The following PYGL variants were observed in gnomAD, a reference collection of about 807,000 sequenced individuals.
PYGL encodes the protein glycogen phosphorylase L, also known as glycogen phosphorylase, liver form.
PYGL carries 90 observed loss-of-function variants against 100.1 expected under a neutral mutation model. The ratio of observed to expected loss-of-function variants is 0.90; its 90% CI spans 0.76 to 1.07. The LOEUF is 1.07. PYGL is among the 50% of genes least tolerant of loss of function. The probability of loss-of-function intolerance (pLI) is 0.00; values close to 1 mark genes in which losing one functional copy is unlikely to be tolerated. For missense variants in PYGL, 1,016 were observed against 1,057.6 expected, an observed-to-expected ratio of 0.96 and a Z score of 0.55; for synonymous variants, 373 against 393.0, an observed-to-expected ratio of 0.95 and a Z score of 0.60.
In PYGL at chr14:50,915,825, A is replaced by T. The variant is rs765994166; in HGVS notation, c.1239T>A (p.Asp413Glu). ...IIYEINQKHL[D>E]RIVALFPKDV... The stretch of plus-strand genomic sequence containing the variant: ...GAGAAAATCTCTCAAAATGACTTAC[A>T]TCTAAATGCTTCTGATTTATCTCAT... The change falls in exon 10 of 20, where the codon GAT (aspartate) becomes GAA (glutamate). Residue 413 changes from aspartate to glutamate, a missense_variant and splice_region_variant. Asp to Glu is a conservative substitution (Grantham distance 45, BLOSUM62 2). Transcript: ENST00000216392. 1 of 1,613,816 alleles carries T rather than the reference A, an allele frequency of 6.2e-7. No homozygotes were observed. The highest frequency in any genetic ancestry group is 8.5e-7 in the Non-Finnish European group (1 of 1,179,828).
chr14:50,907,500 T>C (rs1378044099), intron 19 of PYGL, among the ~76,000 whole-genome samples: 1 of 152,134 alleles, frequency 6.6e-6, no homozygotes, highest in Non-Finnish European at 1.5e-5. Context: ...GAAGCTACCT[T>C]GGTGATTCTG....
At chr14:50,919,113 C>T (rs2050478503) in intron 7 of PYGL, among the ~76,000 whole-genome samples, 1 of 152,172 alleles carries the variant, frequency 6.6e-6, no homozygotes, top group Non-Finnish European at 1.5e-5. Flanking sequence ...ATTTTTTACC[C>T]CATGCTAACT....
rs530947800 is a variant in PYGL, at chr14:50,921,262, G to A, written c.661-195C>T. 422 of 586,166 alleles carry A rather than the reference G, an allele frequency of 7.2e-4. 3 individuals carry two copies. In the African/African-American group the frequency reaches 7.2e-3, roughly 10 times the overall value. 36.3% of individuals were successfully genotyped at this position (586,166 alleles called of 1,614,324 possible). On this transcript the variant is annotated intron_variant, in intron 5 of 19. Transcript: ENST00000216392. ...GGAACATGTGGTTCCTCCCCGACCTGGTACAATCTAGTGACTGAAACCATC... is the reference window on the plus strand; with the variant it reads ...GGAACATGTGGTTCCTCCCCGACCTAGTACAATCTAGTGACTGAAACCATC...
At chr14:50,911,634 G>C (rs2050398497) in intron 16 of PYGL, 96 bp downstream of exon 16, 2 of 1,491,212 alleles carry the variant, frequency 1.3e-6, no homozygotes, top group African/African-American at 1.4e-5. Flanking sequence ...TCTATCCTAA[G>C]TTACTAGCTC....
At chr14:50,924,960 T>C (rs1280671372) in intron 4 of PYGL, among the ~76,000 whole-genome samples, 1 of 152,208 alleles carries the variant, frequency 6.6e-6, no homozygotes, top group Non-Finnish European at 1.5e-5. Context: ...TTTTAAATTA[T>C]TGAAACCTTT....
In PYGL at chr14:50,914,662, C is replaced by T. The variant is rs375853987; in HGVS notation, c.1518+39G>A. On this transcript the variant is annotated intron_variant, in intron 12 of 19. Transcript: ENST00000216392. ...AGTATAGTCATATGCCTCTTGCATT[C>T]GAGTCAGGCCTCCTTTCCTCTCAGC... is the stretch of plus-strand genomic sequence containing the variant. 1.7e-4 allele frequency: 259 copies of T among 1,513,410 alleles called. No homozygotes were observed. The African/African-American group carries it at 3.2e-3, about 18-fold the overall frequency. 93.7% of individuals were successfully genotyped at this position (1,513,410 alleles called of 1,614,324 possible).
intron 3 of PYGL, among the ~76,000 whole-genome samples, chr14:50,934,120 C>A (rs1185141238): frequency 1.1e-4 from 17 of 152,108 alleles, no homozygotes; most frequent in Non-Finnish European, 1.5e-5. Flanking sequence ...ACTAATGGAG[C>A]TGGTATTGTA....
chr14:50,917,357 T>A (rs1231198207), intron 7 of PYGL, among the ~76,000 whole-genome samples: 3 of 152,154 alleles, frequency 2.0e-5, no homozygotes, highest in Non-Finnish European at 1.5e-5. Context: ...AACAACCTTT[T>A]AGAGGCTGAA....
In PYGL at chr14:50,908,810, T is replaced by C. The variant is rs1341269341; in HGVS notation, c.2312+11A>G. On this transcript the variant is annotated intron_variant, in intron 18 of 19. Transcript: ENST00000216392. ...TGATCCAAATAGCACCATCTTCTTA[T>C]GGGAACTCACCTGTCATGATAAAAT... 15 of 1,553,526 alleles carry C rather than the reference T, an allele frequency of 9.7e-6. No homozygotes were observed. Among genetic ancestry groups the C allele is most frequent in the African/African-American group, 1.4e-5 (1 of 73,462 alleles).
chr14:50,944,064 G>T, intron 1 of PYGL, 97 bp downstream of exon 1: 1 of 1,435,804 alleles, frequency 7.0e-7, no homozygotes, highest in South Asian at 1.2e-5. Flanking sequence ...GGGTGCAAGG[G>T]ACCACTCTGA....
At position 50,908,254 on chromosome 14, in the gene PYGL, C is replaced by G; in HGVS notation, c.2379+17G>C. ...TAGTAAACTGGTTTTCTTTATAAAT[C>G]TTGGCAATTTACTCACCATGTACAG... On this transcript the variant is annotated intron_variant, in intron 19 of 19. Transcript: ENST00000216392. 6.4e-7 allele frequency: 1 copy of G among 1,556,996 alleles called. No homozygotes were observed. Among genetic ancestry groups the G allele is most frequent in the Non-Finnish European group, 8.9e-7 (1 of 1,128,552 alleles).
chr14:50,907,933 C>T (rs2050349789), intron 19 of PYGL, among the ~76,000 whole-genome samples: 1 of 149,976 alleles, frequency 6.7e-6, no homozygotes, highest in South Asian at 2.1e-4. Context: ...ATAATCCCAG[C>T]TACTTGGGAG....
chr14:50,917,747 C>T (rs1272442931), intron 7 of PYGL, among the ~76,000 whole-genome samples: 1 of 152,206 alleles, frequency 6.6e-6, no homozygotes, highest in African/African-American at 2.4e-5. Flanking sequence ...GGGTGGAGGC[C>T]TTAGAGGCCA....
intron 12 of PYGL, 194 bp from the exon 13 acceptor site, chr14:50,913,324 GT>G (rs1346872464): frequency 1.4e-5 from 5 of 365,488 alleles, no homozygotes; most frequent in Non-Finnish European, 2.4e-5. Flanking sequence ...TATCTTAAAT[GT>G]AGTTTCAGCA....
In PYGL at chr14:50,916,968, C is replaced by T. The variant is rs1156602131; in HGVS notation, c.993G>A (p.Pro331=). ...CCACAGACTAAATACTTGCCTGATC[C>T]GGGAAGGCATCAAACACAGTTCCTG... ...RGAGTVFDAF[P]DQVAIQLNDT... The change falls in exon 8 of 20, where the codon CCG becomes CCA. Residue 331 remains proline, a synonymous_variant. Transcript: ENST00000216392. 24 of 1,614,018 alleles carry T rather than the reference C, an allele frequency of 1.5e-5. No individual in the cohort carries two copies. The Admixed American group carries it at 1.8e-4, about 12-fold the overall frequency.
Position 50,937,170 on chromosome 14 carries a change from C to T in PYGL, c.345+566G>A, listed in dbSNP as rs751438026. 3.9e-5 allele frequency among the ~76,000 whole-genome samples: 6 copies of T among 152,158 alleles called. No individual in the cohort carries two copies. The East Asian group carries it at 5.8e-4, about 15-fold the overall frequency. The stretch of plus-strand genomic sequence containing the variant: ...GCTACCTGTTTTGGGTATGAAGGTG[C>T]CTGAAGCTCAGGAAAGAAAAAGTTA... On this transcript the variant is annotated intron_variant, in intron 2 of 19. Transcript: ENST00000216392.
Position 50,912,051 on chromosome 14 carries a change from G to C in PYGL, c.1769-15C>G, listed in dbSNP as rs1269501651. The C allele has an allele frequency of 1.9e-6, 3 of 1,613,582 alleles. No homozygotes were observed. The highest frequency in any genetic ancestry group is 2.5e-6 in the Non-Finnish European group (3 of 1,179,554). On this transcript the variant is annotated splice_polypyrimidine_tract_variant and intron_variant, in intron 14 of 19. Coordinates refer to ENST00000216392, the MANE Select transcript of PYGL (RefSeq NM_002863.5). Reference sequence around the variant, plus strand: ...TTTCTTAATGCCTGAAAAAGATGGAGAAGTGGATGAAATGGAAGACAGCTG... The same window carrying C: ...TTTCTTAATGCCTGAAAAAGATGGACAAGTGGATGAAATGGAAGACAGCTG...
rs528599164 is a variant in PYGL, at chr14:50,934,367, C to G, written c.424+740G>C. On this transcript the variant is annotated intron_variant, in intron 3 of 19. Coordinates refer to ENST00000216392, the MANE Select transcript of PYGL (RefSeq NM_002863.5). Reference sequence around the variant, plus strand: ...ACTGAAAAAATAAAATAAAATAAAACAACAGCAACTTAACTTAGGTCATGC... The same window carrying G: ...ACTGAAAAAATAAAATAAAATAAAAGAACAGCAACTTAACTTAGGTCATGC... 3.9e-5 allele frequency among the ~76,000 whole-genome samples: 6 copies of G among 152,170 alleles called. No homozygotes were observed. The East Asian group carries it at 1.2e-3, about 29-fold the overall frequency.
intron 4 of PYGL, 144 bp from the exon 5 acceptor site, chr14:50,924,244 C>T: frequency 1.1e-6 from 1 of 899,266 alleles, no homozygotes; most frequent in South Asian, 1.6e-5. Flanking sequence ...TTTTTACAGC[C>T]TACATCAACA....
Sources: allele counts gnomAD v4.1 joint callset (sites outside exome capture counted in the v4.1 genomes callset), GRCh38; gene constraint gnomAD v4.1.1; transcripts MANE v1.5; gene names NCBI Gene and HGNC (gene_info 2026-07-23, HGNC 2026-07-21).